The following RUNX2 variants were observed in gnomAD, a reference collection of about 807,000 sequenced individuals.
The protein encoded by RUNX2 is RUNX family transcription factor 2, also known as runt-related transcription factor 2.
In RUNX2, 10 loss-of-function variants were observed where a neutral mutation model predicts 51.7. The ratio of observed to expected loss-of-function variants is 0.19; its 90% CI spans 0.12 to 0.33. The LOEUF is 0.33. Ranked by LOEUF, RUNX2 falls within the 10% of genes least tolerant of loss-of-function variation. RUNX2 has a pLI of 1.00. For missense variants in RUNX2, 562 were observed against 691.3 expected (o/e 0.81, Z 2.10); for synonymous variants, 276 against 273.6 (o/e 1.01, Z -0.09).
At chr6:45,523,942 A>G (rs1218961956) in intron 7 of RUNX2, among the ~76,000 whole-genome samples, 1 of 152,116 alleles carries the variant, frequency 6.6e-6, no homozygotes, top group African/African-American at 2.4e-5. Flanking sequence ...AAAAAAAACC[A>G]AAAACGAAAA....
At chr6:45,523,802 C>T (rs1801581644) in intron 7 of RUNX2, among the ~76,000 whole-genome samples, 1 of 151,784 alleles carries the variant, frequency 6.6e-6, no homozygotes. Flanking sequence ...CGTGGTGGCA[C>T]ATGTCTGTAA....
intron 6 of RUNX2, among the ~76,000 whole-genome samples, chr6:45,510,018 C>T (rs1030222956): frequency 3.3e-5 from 5 of 152,108 alleles, no homozygotes; most frequent in Admixed American, 1.3e-4. Context: ...CTTGCCCTTG[C>T]GAGACTGCTT....
At chr6:45,386,805 T>C (rs1797357616) in intron 2 of RUNX2, among the ~76,000 whole-genome samples, 4 of 152,138 alleles carry the variant, frequency 2.6e-5, no homozygotes, top group Admixed American at 1.3e-4. Flanking sequence ...GATGAGATCA[T>C]AGGGTATGAG....
At chr6:45,411,800 G>T (rs1417147598) in intron 2 of RUNX2, among the ~76,000 whole-genome samples, 1 of 152,116 alleles carries the variant, frequency 6.6e-6, no homozygotes, top group Non-Finnish European at 1.5e-5. Context: ...GTAAACACCA[G>T]TGAAGCAAGT....
intron 2 of RUNX2, among the ~76,000 whole-genome samples, chr6:45,344,519 T>C (rs974835193): frequency 6.6e-6 from 1 of 152,106 alleles, no homozygotes; most frequent in Non-Finnish European, 1.5e-5. Flanking sequence ...ACATTTTCCT[T>C]TGAACGTCTA....
chr6:45,422,714 G>C lies in RUNX2; in HGVS notation c.180G>C (p.Gln60His). 1 of 1,588,682 alleles carries C rather than the reference G, an allele frequency of 6.3e-7. No homozygotes were observed. The highest frequency in any genetic ancestry group is 8.6e-7 in the Non-Finnish European group (1 of 1,168,332). ...AGCAACAGCAGCAGCAGCAACAGCA[G>C]CAGCAGCAGCAGCAACAGCAGCAGC... Reference protein sequence around the residue: ...QQQQQQQQQQQQQQQQQQQQQ... With the variant: ...QQQQQQQQQQHQQQQQQQQQQ... Residue 60 changes from glutamine (Q) to histidine (H), a missense_variant, in exon 3 of 9, where the codon CAG (glutamine) becomes CAC (histidine). Transcript: ENST00000647337.
intron 2 of RUNX2, among the ~76,000 whole-genome samples, chr6:45,401,847 A>G (rs1797717706): frequency 6.6e-6 from 1 of 152,168 alleles, no homozygotes; most frequent in Non-Finnish European, 1.5e-5. Flanking sequence ...ATGGTTCTAG[A>G]ACTGATACTT....
chr6:45,443,173 C>T (rs1395104795), intron 5 of RUNX2, among the ~76,000 whole-genome samples: 1 of 150,994 alleles, frequency 6.6e-6, no homozygotes, highest in Non-Finnish European at 1.5e-5. Context: ...ACCTCAGCCT[C>T]CTGAGTAGCT....
intron 2 of RUNX2, among the ~76,000 whole-genome samples, chr6:45,416,566 T>C (rs1798072548): frequency 1.3e-5 from 2 of 152,328 alleles, no homozygotes; most frequent in African/African-American, 4.8e-5. Flanking sequence ...CTTTTATATA[T>C]AACATTCCAC....
chr6:45,378,830 C>G (rs577026346), intron 2 of RUNX2, among the ~76,000 whole-genome samples: 1 of 152,252 alleles, frequency 6.6e-6, no homozygotes, highest in South Asian at 2.1e-4. Flanking sequence ...CAGTCTTTCA[C>G]TCTTTATATT....
At chr6:45,493,998 A>G (rs544592074) in intron 6 of RUNX2, among the ~76,000 whole-genome samples, 2 of 152,312 alleles carry the variant, frequency 1.3e-5, no homozygotes, top group East Asian at 3.9e-4. Flanking sequence ...ACTTAAGAAG[A>G]TGCTTCTCTC....
chr6:45,511,622 G>A (rs925911594), intron 6 of RUNX2, among the ~76,000 whole-genome samples: 2 of 151,890 alleles, frequency 1.3e-5, no homozygotes, highest in Non-Finnish European at 2.9e-5. Context: ...TTCATCTTAC[G>A]TGCTGCCCCT....
chr6:45,429,567 G>A (rs1798480255), intron 3 of RUNX2, among the ~76,000 whole-genome samples: 1 of 152,198 alleles, frequency 6.6e-6, no homozygotes, highest in Non-Finnish European at 1.5e-5. Flanking sequence ...TGATCCAGGA[G>A]ACTTCTCATA....
chr6:45,342,999 C>T (rs1157268054), intron 2 of RUNX2, among the ~76,000 whole-genome samples: 3 of 152,100 alleles, frequency 2.0e-5, no homozygotes, highest in Admixed American at 6.5e-5. Flanking sequence ...ATTTAAGCTC[C>T]CTGTGTCTCA....
chr6:45,417,087 G>A (rs1798081470), intron 2 of RUNX2, among the ~76,000 whole-genome samples: 1 of 152,162 alleles, frequency 6.6e-6, no homozygotes, highest in Non-Finnish European at 1.5e-5. Context: ...GAAAAAATAT[G>A]TCAAAAAGCT....
intron 7 of RUNX2, among the ~76,000 whole-genome samples, chr6:45,517,963 AT>A (rs1207803190): frequency 1.3e-5 from 2 of 152,232 alleles, no homozygotes; most frequent in African/African-American, 4.8e-5. Flanking sequence ...TGTGCCAATT[AT>A]ATGTGAACAT....
chr6:45,500,438 T>G (rs1434332050), intron 6 of RUNX2, among the ~76,000 whole-genome samples: 1 of 152,184 alleles, frequency 6.6e-6, no homozygotes, highest in Non-Finnish European at 1.5e-5. Context: ...ACAATTGGTT[T>G]TAATAGACTT....
At chr6:45,451,131 T>C (rs1799159384) in intron 5 of RUNX2, among the ~76,000 whole-genome samples, 1 of 152,190 alleles carries the variant, frequency 6.6e-6, no homozygotes, top group African/African-American at 2.4e-5. Flanking sequence ...TAGATACTTA[T>C]TTTATAGCAG....
intron 2 of RUNX2, among the ~76,000 whole-genome samples, chr6:45,395,987 C>A (rs559967177): frequency 1.3e-5 from 2 of 152,194 alleles, no homozygotes; most frequent in South Asian, 4.2e-4. Flanking sequence ...ATTTTCAACC[C>A]ACTATATTAA....
Sources: allele counts gnomAD v4.1 joint callset (sites outside exome capture counted in the v4.1 genomes callset), GRCh38; gene constraint gnomAD v4.1.1; transcripts MANE v1.5; gene names NCBI Gene and HGNC (gene_info 2026-07-23, HGNC 2026-07-21).